Variants in DGKI observed in about 807,000 individuals in gnomAD.
DGKI encodes DAG kinase iota.
In DGKI, 55 loss-of-function variants were observed where a neutral mutation model predicts 147.5. The observed-to-expected ratio is 0.37, with a 90% CI of 0.30 to 0.47. The LOEUF (loss-of-function observed/expected upper bound fraction) is 0.47, where lower values mean the gene tolerates loss of function less well. DGKI is among the 20% of genes least tolerant of loss of function. The pLI is 1.00. For synonymous variants in DGKI, 469 were observed against 477.1 expected, an observed-to-expected ratio of 0.98 and a Z score of 0.22; for missense variants, 1,007 against 1,323.8, an observed-to-expected ratio of 0.76 and a Z score of 3.71.
chr7:137,568,810 C>T (rs2128974606), intron 19 of DGKI, among the ~76,000 whole-genome samples: 1 of 152,102 alleles, frequency 6.6e-6, no homozygotes, highest in South Asian at 2.1e-4. Flanking sequence ...CAACTCTCCA[C>T]TAATTACCCA....
At chr7:137,782,009 G>A (rs1362324346) in intron 1 of DGKI, among the ~76,000 whole-genome samples, 1 of 152,206 alleles carries the variant, frequency 6.6e-6, no homozygotes, top group South Asian at 2.1e-4. Context: ...CAGACAGACA[G>A]AGCAGCATGT....
chr7:137,781,656 A>G (rs571601856), intron 1 of DGKI, among the ~76,000 whole-genome samples: 1 of 152,000 alleles, frequency 6.6e-6, no homozygotes, highest in South Asian at 2.1e-4. Context: ...TTCTAAATCA[A>G]CTCCAGTGTT....
At chr7:137,484,710 G>T (rs1815492689) in intron 23 of DGKI, among the ~76,000 whole-genome samples, 1 of 152,056 alleles carries the variant, frequency 6.6e-6, no homozygotes, top group Admixed American at 6.6e-5. Flanking sequence ...CCCAAAGTCT[G>T]CTGGGATAAA....
chr7:137,448,330 G>A (rs958717696), intron 27 of DGKI, among the ~76,000 whole-genome samples: 4 of 146,178 alleles, frequency 2.7e-5, no homozygotes, highest in Admixed American at 2.7e-4. Flanking sequence ...CTCACCCAAT[G>A]CAAATATTAC....
chr7:137,729,701 C>T (rs1201605838), intron 1 of DGKI, among the ~76,000 whole-genome samples: 2 of 152,064 alleles, frequency 1.3e-5, no homozygotes, highest in Admixed American at 1.3e-4. Flanking sequence ...TATTAACCTT[C>T]TAATGGCCAA....
intron 3 of DGKI, among the ~76,000 whole-genome samples, chr7:137,672,240 C>T (rs1296689677): frequency 6.6e-6 from 1 of 152,178 alleles, no homozygotes; most frequent in African/African-American, 2.4e-5. Context: ...GGTAACTCGA[C>T]TTATAGAATG....
intron 1 of DGKI, among the ~76,000 whole-genome samples, chr7:137,807,886 C>T (rs568035692): frequency 2.6e-5 from 4 of 152,280 alleles, no homozygotes; most frequent in South Asian, 4.1e-4. Context: ...ATGTCTCCCC[C>T]ACTCATCAAG....
At chr7:137,513,479 C>T (rs578113915) in intron 21 of DGKI, among the ~76,000 whole-genome samples, 1 of 152,248 alleles carries the variant, frequency 6.6e-6, no homozygotes, top group African/African-American at 2.4e-5. Context: ...AGTCATCATC[C>T]CATTTCTTTC....
chr7:137,492,509 G>A (rs1427589724), intron 21 of DGKI, among the ~76,000 whole-genome samples: 1 of 152,196 alleles, frequency 6.6e-6, no homozygotes, highest in Non-Finnish European at 1.5e-5. Flanking sequence ...GTAGTGGTGA[G>A]TTGAGCAGGG....
rs145299212 is a variant in DGKI at position 137,739,881 on chromosome 7, G to A, written c.402-49879C>T. On this transcript the variant is annotated intron_variant, in intron 1 of 32. Coordinates refer to ENST00000614521, the MANE Select transcript of DGKI (RefSeq NM_001321708.2). ...TCGAAATGGCAGTCAAGAAAAGGTT[G>A]AACCTGAGGTCTGTCTCTGCTAAGT... 3.7e-3 allele frequency among the ~76,000 whole-genome samples: 559 copies of A among 152,312 alleles called. 4 individuals carry two copies. The highest frequency in any genetic ancestry group is 6.0e-3 in the Non-Finnish European group (410 of 68,028).
At chr7:137,587,235 G>T in intron 12 of DGKI, 25 bp from the exon 13 acceptor site, 1 of 1,555,780 alleles carries the variant, frequency 6.4e-7, no homozygotes, top group Non-Finnish European at 8.7e-7. Context: ...GGGGCCAGAA[G>T]AGATATAAGA....
intron 1 of DGKI, among the ~76,000 whole-genome samples, chr7:137,747,086 G>GT (rs1304179505): frequency 2.0e-5 from 3 of 151,982 alleles, no homozygotes; most frequent in Non-Finnish European, 1.5e-5. Flanking sequence ...AATAATTTAG[G>GT]TTTTTTTAAA....
At chr7:137,602,721 T>C (rs966505981) in intron 10 of DGKI, among the ~76,000 whole-genome samples, 3 of 152,160 alleles carry the variant, frequency 2.0e-5, no homozygotes, top group African/African-American at 7.2e-5. Flanking sequence ...TTGACAAATA[T>C]TAATTCACCA....
In DGKI at chr7:137,466,918, C is replaced by T. The variant is rs762474967; in HGVS notation, c.2468G>A (p.Arg823Gln). Residue 823 changes from arginine (R) to glutamine (Q), a missense_variant, in exon 25 of 33, where the codon CGA becomes CAA. By Grantham distance (43) the Arg-to-Gln change is conservative. Around this residue, in one of 5 missense-constraint regions of DGKI, gnomAD observed 385 missense variants for 445.2 expected, o/e 0.86. Transcript: ENST00000614521. Reference sequence around the variant, plus strand: ...AAAACTTACCTGAGATCTGTCTATTCGATAAAAGCGATCAGCAGAAGTTGC... The same window carrying T: ...AAAACTTACCTGAGATCTGTCTATTTGATAAAAGCGATCAGCAGAAGTTGC... ...LDATSADRFY[R>Q]IDRSQEHLHF... is the part of the protein sequence containing the mutation. 26 of 1,613,828 alleles carry T rather than the reference C, an allele frequency of 1.6e-5. No individual in the cohort carries two copies. The highest frequency in any genetic ancestry group is 2.1e-5 in the Non-Finnish European group (25 of 1,179,976).
chr7:137,653,599 C>T (rs1822114190), intron 5 of DGKI, among the ~76,000 whole-genome samples: 2 of 152,182 alleles, frequency 1.3e-5, no homozygotes, highest in African/African-American at 2.4e-5. Context: ...CCTCCTCTCA[C>T]TTAACTTAGT....
At chr7:137,655,201 CT>C (rs201766847) in intron 4 of DGKI, among the ~76,000 whole-genome samples, 19,329 of 140,536 alleles carry the variant, frequency 0.14, 3,562 homozygotes, top group African/African-American at 0.44. Flanking sequence ...CAGAGTTATT[CT>C]TTTTTTTTTT....
intron 1 of DGKI, among the ~76,000 whole-genome samples, chr7:137,723,103 T>C (rs900184999): frequency 1.5e-4 from 23 of 152,164 alleles, no homozygotes; most frequent in African/African-American, 4.6e-4. Context: ...AGATGGCTCA[T>C]AGTAAGTGCT....
At chr7:137,743,990 A>AAG (rs1795254149) in intron 1 of DGKI, among the ~76,000 whole-genome samples, 1 of 39,814 alleles carries the variant, frequency 2.5e-5, no homozygotes, top group South Asian at 9.7e-4. Flanking sequence ...CTCAAAAAAG[A>AAG]AAAAAAAAAA....
At chr7:137,620,014 C>T (rs950847931) in intron 7 of DGKI, 74 bp from the exon 8 acceptor site, 10 of 728,674 alleles carry the variant, frequency 1.4e-5, no homozygotes, top group African/African-American at 2.9e-5. Flanking sequence ...TAAATATGTA[C>T]ACACGCACAC....
Sources: allele counts gnomAD v4.1 joint callset (sites outside exome capture counted in the v4.1 genomes callset), GRCh38; gene constraint gnomAD v4.1.1; regional missense constraint gnomAD v4.1.1; transcripts MANE v1.5; gene names NCBI Gene and HGNC (gene_info 2026-07-23, HGNC 2026-07-21).